The following EVA1A variants were observed in gnomAD, a reference collection of about 807,000 sequenced individuals.
EVA1A encodes eva-1 homolog A, regulator of programmed cell death, also known as protein eva-1 homolog A.
In EVA1A, 7 loss-of-function variants were observed where a neutral mutation model predicts 9.8. That is an observed-to-expected ratio of 0.71 (90% CI 0.41 to 1.34). The LOEUF (loss-of-function observed/expected upper bound fraction) is 1.34. Ranked by LOEUF, EVA1A falls within the 40% of genes most tolerant of loss-of-function variation. EVA1A has a pLI of 0.01. For missense variants in EVA1A, 206 were observed against 205.9 expected (o/e 1.00, Z 0.00); for synonymous variants, 90 against 85.6 (o/e 1.05, Z -0.28).
chr2:75,551,346 C>T (rs1290431191), intron 1 of EVA1A, among the ~76,000 whole-genome samples: 2 of 152,188 alleles, frequency 1.3e-5, no homozygotes, highest in African/African-American at 2.4e-5. Context: ...ATCTGTTAGA[C>T]TCCTCTCACC....
At chr2:75,500,560 C>G (rs1674377766) in intron 3 of EVA1A, among the ~76,000 whole-genome samples, 1 of 152,170 alleles carries the variant, frequency 6.6e-6, no homozygotes, top group African/African-American at 2.4e-5. Flanking sequence ...TCATCCATCT[C>G]TTTAAGAGAT....
chr2:75,505,455 C>A (rs1323885837), intron 3 of EVA1A, among the ~76,000 whole-genome samples: 4 of 152,112 alleles, frequency 2.6e-5, no homozygotes, highest in Admixed American at 2.6e-4. Flanking sequence ...ATGAAGACAC[C>A]ATTTCCAAAA....
At chr2:75,549,590 T>C (rs1676455915) in intron 1 of EVA1A, among the ~76,000 whole-genome samples, 1 of 152,134 alleles carries the variant, frequency 6.6e-6, no homozygotes, top group African/African-American at 2.4e-5. Flanking sequence ...CCTCCTACAG[T>C]GTCCTCCAGT....
intron 3 of EVA1A, among the ~76,000 whole-genome samples, chr2:75,514,877 G>A (rs1171296400): frequency 6.6e-6 from 1 of 152,074 alleles, no homozygotes; most frequent in East Asian, 1.9e-4. Flanking sequence ...GATGGATATT[G>A]TCAAATTATT....
Position 75,518,184 on chromosome 2 carries a change from A to G in EVA1A, c.-44T>C, listed in dbSNP as rs200319399. 1.1e-4 allele frequency: 180 copies of G among 1,605,402 alleles called. No homozygotes were observed. The highest frequency in any genetic ancestry group is 1.1e-3 in the African/African-American group (81 of 74,628). The stretch of plus-strand genomic sequence containing the variant: ...CTCCTGGAGGTGCTTGGCTGAATCA[A>G]CGTGGCCACTCTCCTTCTTCTCTTC... On this transcript the variant is annotated 5_prime_UTR_variant, in exon 3 of 4. Transcript: ENST00000393913.
At chr2:75,539,077 T>G (rs539472415) in intron 1 of EVA1A, among the ~76,000 whole-genome samples, 30 of 152,190 alleles carry the variant, frequency 2.0e-4, no homozygotes, top group Admixed American at 2.0e-4. Context: ...AAAGTCTAAT[T>G]AAAAATACAT....
intron 3 of EVA1A, 54 bp downstream of exon 3, chr2:75,518,002 C>A: frequency 6.2e-7 from 1 of 1,608,764 alleles, no homozygotes; most frequent in Non-Finnish European, 8.5e-7. Context: ...CAGGAGACAA[C>A]CTTGGACCCA....
At chr2:75,534,940 G>T (rs185384445) in intron 1 of EVA1A, among the ~76,000 whole-genome samples, 1 of 151,924 alleles carries the variant, frequency 6.6e-6, no homozygotes, top group East Asian at 1.9e-4. Context: ...TGAGAGATAG[G>T]GATCCAGTTT....
intron 1 of EVA1A, among the ~76,000 whole-genome samples, chr2:75,534,142 G>A (rs940116413): frequency 6.6e-6 from 1 of 152,110 alleles, no homozygotes; most frequent in African/African-American, 2.4e-5. Flanking sequence ...AGGATGTTGA[G>A]ACAGTAAGAT....
intron 1 of EVA1A, among the ~76,000 whole-genome samples, chr2:75,550,339 C>T (rs976152500): frequency 2.6e-5 from 4 of 152,172 alleles, no homozygotes; most frequent in African/African-American, 9.6e-5. Context: ...TTTCCCTTTG[C>T]TCAGAGAAGC....
chr2:75,521,742 A>T (rs1334389446), intron 2 of EVA1A, among the ~76,000 whole-genome samples: 2 of 152,226 alleles, frequency 1.3e-5, no homozygotes, highest in Admixed American at 1.3e-4. Context: ...CTGGGGAAGG[A>T]TGATGGTGAT....
At chr2:75,540,319 A>G (rs2103933858) in intron 1 of EVA1A, among the ~76,000 whole-genome samples, 1 of 152,306 alleles carries the variant, frequency 6.6e-6, no homozygotes, top group Admixed American at 6.5e-5. Context: ...TTAGAGCCAC[A>G]TTTTCTCATC....
At chr2:75,506,943 C>T (rs187180529) in intron 3 of EVA1A, among the ~76,000 whole-genome samples, 208 of 152,294 alleles carry the variant, frequency 1.4e-3, no homozygotes, top group African/African-American at 4.9e-3. Context: ...AGAGGAAGAA[C>T]CTACCACAGG....
At chr2:75,515,594 A>C (rs1364022629) in intron 3 of EVA1A, among the ~76,000 whole-genome samples, 1 of 152,234 alleles carries the variant, frequency 6.6e-6, no homozygotes. Flanking sequence ...TCCAGAGACC[A>C]TCAGGCAAAA....
upstream of EVA1A, chr2:75,560,980 C>T (rs1050094406): frequency 9.2e-5 from 14 of 152,286 alleles, no homozygotes; most frequent in African/African-American, 3.4e-4. Context: ...TCTCCCCCCT[C>T]CTCCACCCGC....
intron 3 of EVA1A, among the ~76,000 whole-genome samples, chr2:75,496,562 C>G (rs115305947): frequency 6.6e-6 from 1 of 152,108 alleles, no homozygotes; most frequent in African/African-American, 2.4e-5. Flanking sequence ...ATACTCCATG[C>G]TCATGGATTG....
intron 1 of EVA1A, among the ~76,000 whole-genome samples, chr2:75,523,422 G>A (rs746506335): frequency 2.6e-5 from 4 of 152,206 alleles, no homozygotes; most frequent in Non-Finnish European, 5.9e-5. Context: ...CAGTCACAGG[G>A]AGTCTGAAGA....
intron 3 of EVA1A, among the ~76,000 whole-genome samples, chr2:75,504,778 G>C (rs1395584849): frequency 6.6e-6 from 1 of 151,046 alleles, no homozygotes; most frequent in Non-Finnish European, 1.5e-5. Context: ...CACAGGGAGG[G>C]GCACACAGGG....
At chr2:75,502,514 T>C (rs1244959462) in intron 3 of EVA1A, among the ~76,000 whole-genome samples, 1 of 152,118 alleles carries the variant, frequency 6.6e-6, no homozygotes, top group Non-Finnish European at 1.5e-5. Flanking sequence ...AATATTAGGG[T>C]ATATACAGAT....
Sources: gnomAD v4.1 joint callset for allele counts (sites outside exome capture counted in the v4.1 genomes callset) on GRCh38, gnomAD v4.1.1 for gene constraint, MANE v1.5 for transcripts, NCBI Gene and HGNC (gene_info 2026-07-23, HGNC 2026-07-21) for gene names.